Variants in AGO3 observed in about 807,000 individuals in gnomAD.
AGO3 encodes argonaute RISC catalytic component 3, also known as protein argonaute-3.
A neutral mutation model predicts 105.5 loss-of-function variants in AGO3; 16 were observed. The ratio of observed to expected loss-of-function variants is 0.15; its 90% CI spans 0.10 to 0.23. The LOEUF (loss-of-function observed/expected upper bound fraction) is 0.23, where lower values mean the gene tolerates loss of function less well. Among genes scored for constraint, AGO3 ranks in the 10% least tolerant of loss-of-function variants. The probability of loss-of-function intolerance (pLI) is 1.00; values close to 1 mark genes in which losing one functional copy is unlikely to be tolerated. For synonymous variants in AGO3, 340 were observed against 367.3 expected, an observed-to-expected ratio of 0.93 and a Z score of 0.85; for missense variants, 534 against 1,088.0, an observed-to-expected ratio of 0.49 and a Z score of 7.16.
chr1:36,051,744 C>T (rs1340323641), intron 17 of AGO3, among the ~76,000 whole-genome samples: 1 of 151,882 alleles, frequency 6.6e-6, no homozygotes, highest in Non-Finnish European at 1.5e-5. Context: ...TCAAACAACT[C>T]AACAGCAAAA....
At chr1:35,998,074 A>T (rs1639923814) in intron 5 of AGO3, among the ~76,000 whole-genome samples, 1 of 152,126 alleles carries the variant, frequency 6.6e-6, no homozygotes, top group Admixed American at 6.6e-5. Context: ...ACATTCAGAG[A>T]TATACTATGT....
intron 5 of AGO3, among the ~76,000 whole-genome samples, chr1:36,003,238 A>G (rs1035852329): frequency 3.3e-5 from 5 of 151,938 alleles, no homozygotes; most frequent in Non-Finnish European, 7.4e-5. Flanking sequence ...TATATAACAC[A>G]TAATAGCCAT....
At chr1:35,963,332 A>AT (rs1240431176) in intron 2 of AGO3, among the ~76,000 whole-genome samples, 1 of 152,134 alleles carries the variant, frequency 6.6e-6, no homozygotes, top group Non-Finnish European at 1.5e-5. Context: ...TATACAACCA[A>AT]TTTTTTACAG....
chr1:35,982,415 G>A (rs1295068521), intron 5 of AGO3, among the ~76,000 whole-genome samples: 1 of 152,022 alleles, frequency 6.6e-6, no homozygotes, highest in East Asian at 1.9e-4. Context: ...TTGAAATGCC[G>A]ATTTTAAAAG....
chr1:36,006,608 A>C (rs1362024624), intron 6 of AGO3, among the ~76,000 whole-genome samples: 1 of 152,034 alleles, frequency 6.6e-6, no homozygotes, highest in African/African-American at 2.4e-5. Flanking sequence ...TTGTTTCTTC[A>C]TATTATTAGT....
intron 17 of AGO3, among the ~76,000 whole-genome samples, chr1:36,050,607 C>T (rs1395142349): frequency 6.6e-6 from 1 of 151,774 alleles, no homozygotes; most frequent in Non-Finnish European, 1.5e-5. Context: ...GCCTGGCCAA[C>T]ATGGCAAAAC....
intron 5 of AGO3, among the ~76,000 whole-genome samples, chr1:36,003,048 A>T (rs1569723620): frequency 6.6e-6 from 1 of 152,054 alleles, no homozygotes; most frequent in East Asian, 1.9e-4. Context: ...TCCAGCCTGG[A>T]CGACAGAGTG....
intron 1 of AGO3, among the ~76,000 whole-genome samples, chr1:35,942,461 G>A (rs567910979): frequency 4.6e-5 from 7 of 152,104 alleles, no homozygotes; most frequent in Non-Finnish European, 7.4e-5. Flanking sequence ...GTATAACATC[G>A]GTGTTATTTT....
intron 4 of AGO3, 71 bp from the exon 5 acceptor site, chr1:35,973,304 T>G: frequency 7.6e-7 from 1 of 1,316,858 alleles, no homozygotes; most frequent in Non-Finnish European, 9.9e-7. Flanking sequence ...TGCTCTAGTC[T>G]CCCCTTTTCT....
intron 1 of AGO3, among the ~76,000 whole-genome samples, chr1:35,934,078 A>C (rs115413630): frequency 0.012 from 1,866 of 152,320 alleles, 40 homozygotes; most frequent in African/African-American, 0.043. Flanking sequence ...GTTGGGGAAC[A>C]TCTGATGAAA....
chr1:35,991,289 A>G (rs1288891083), intron 5 of AGO3, among the ~76,000 whole-genome samples: 2 of 152,034 alleles, frequency 1.3e-5, no homozygotes, highest in Non-Finnish European at 2.9e-5. Flanking sequence ...GTGAGACTCC[A>G]TCTCCAAAAA....
intron 11 of AGO3, 106 bp downstream of exon 11, chr1:36,014,154 C>A (rs1640757741): frequency 2.1e-6 from 3 of 1,435,264 alleles, no homozygotes; most frequent in East Asian, 2.3e-5. Flanking sequence ...TATATGTAAT[C>A]ACTGAACCAT....
rs1033087650 is a variant in AGO3, at chr1:35,994,742, A to G, written c.659-9599A>G. 2.0e-5 allele frequency among the ~76,000 whole-genome samples: 3 copies of G among 152,304 alleles called. No individual in the cohort carries two copies. In the South Asian group the frequency reaches 6.2e-4, roughly 32 times the overall value. On this transcript the variant is annotated intron_variant, in intron 5 of 18. Transcript: ENST00000373191. ...AGCATTCAACAATTGAAATGAAAAA[A>G]AATTTAAGTGCCATTCATAACATAA... is the stretch of plus-strand genomic sequence containing the variant.
intron 1 of AGO3, among the ~76,000 whole-genome samples, chr1:35,942,110 G>A (rs901182230): frequency 6.6e-6 from 1 of 152,098 alleles, no homozygotes; most frequent in African/African-American, 2.4e-5. Context: ...TCTCAGGCTA[G>A]GATAGGAAAG....
intron 17 of AGO3, 106 bp from the exon 18 acceptor site, chr1:36,054,840 C>T: frequency 8.5e-6 from 9 of 1,053,062 alleles, no homozygotes; most frequent in Non-Finnish European, 1.3e-5. Context: ...TGAGATCACG[C>T]CATTGCACTT....
At chr1:36,006,993 G>A (rs1293613537) in intron 6 of AGO3, among the ~76,000 whole-genome samples, 1 of 152,132 alleles carries the variant, frequency 6.6e-6, no homozygotes, top group East Asian at 1.9e-4. Context: ...TGACATTTTG[G>A]GCTGGATAAT....
At chr1:36,041,850 G>A (rs1283422856) in intron 16 of AGO3, among the ~76,000 whole-genome samples, 1 of 152,102 alleles carries the variant, frequency 6.6e-6, no homozygotes, top group Non-Finnish European at 1.5e-5. Flanking sequence ...AATAAAATAC[G>A]TAATGCACTT....
intron 5 of AGO3, chr1:36,004,121 A>T (rs2148809646): frequency 2.5e-6 from 1 of 406,996 alleles, no homozygotes; most frequent in East Asian, 3.7e-5. Flanking sequence ...TCAGTTACTT[A>T]CGATGAAAGA....
intron 5 of AGO3, among the ~76,000 whole-genome samples, chr1:36,003,709 A>AAAAAAAAAAAAATATATAT (rs1295618675): frequency 1.0e-5 from 1 of 99,444 alleles, no homozygotes; most frequent in East Asian, 2.9e-4. Flanking sequence ...AAAAAAAAAA[A>AAAAAAAAAAAAATATATAT]ATATATATAT....
Sources: gnomAD v4.1 joint callset for allele counts (sites outside exome capture counted in the v4.1 genomes callset) on GRCh38, gnomAD v4.1.1 for gene constraint, MANE v1.5 for transcripts, NCBI Gene and HGNC (gene_info 2026-07-23, HGNC 2026-07-21) for gene names.